The following ZNF697 variants were observed in gnomAD, a reference collection of about 807,000 sequenced individuals.
ZNF697 encodes the protein zinc finger protein 697.
ZNF697 carries 23 observed loss-of-function variants against 32.4 expected under a neutral mutation model. The observed-to-expected ratio is 0.71, with a 90% CI of 0.51 to 1.01. The LOEUF (loss-of-function observed/expected upper bound fraction) is 1.01, where lower values mean the gene tolerates loss of function less well. ZNF697 is among the 50% of genes least tolerant of loss of function. ZNF697 has a pLI of 0.00. For synonymous variants in ZNF697, 418 were observed against 337.2 expected, an observed-to-expected ratio of 1.24 and a Z score of -2.62; for missense variants, 930 against 794.0, an observed-to-expected ratio of 1.17 and a Z score of -2.06.
intron 1 of ZNF697, among the ~76,000 whole-genome samples, chr1:119,629,268 AAAGG>A (rs1444651346): frequency 2.0e-5 from 3 of 152,240 alleles, no homozygotes; most frequent in South Asian, 2.1e-4. Flanking sequence ...GAAGTAATAA[AAAGG>A]AAGACAAGGG....
rs927025047 is a variant in ZNF697, at chr1:119,621,453, A to G, written c.*1252T>C. On this transcript the variant is annotated 3_prime_UTR_variant, in exon 3 of 3. Transcript: ENST00000421812. ...ATCAAAGTGCTATTTTGGCATCTAT[A>G]TAACAACCAGAAAACATTCATTGTT... The G allele has an allele frequency of 1.3e-5, 2 of 152,672 alleles. No individual in the cohort carries two copies. Among genetic ancestry groups the G allele is most frequent in the East Asian group, 1.9e-4 (1 of 5,200 alleles). 9.5% of individuals were successfully genotyped at this position (152,672 alleles called of 1,614,324 possible).
Position 119,622,909 on chromosome 1 carries a change from G to T in ZNF697, c.1434C>A (p.Ser478=). Residue 478 remains serine (S), a synonymous_variant, in exon 3 of 3, where the codon TCC becomes TCA. Coordinates refer to ENST00000421812, the MANE Select transcript of ZNF697 (RefSeq NM_001080470.2). ...GQCEKRFSDF[S]TLTQHQRTHT... is the part of the protein sequence containing the mutation. Reference sequence around the variant, plus strand: ...GCGTGCGCTGGTGCTGCGTGAGCGTGGAGAAGTCGCTGAAGCGCTTCTCGC... The same window carrying T: ...GCGTGCGCTGGTGCTGCGTGAGCGTTGAGAAGTCGCTGAAGCGCTTCTCGC... 1 of 1,598,948 alleles carries T rather than the reference G, an allele frequency of 6.3e-7. No individual in the cohort carries two copies. Among genetic ancestry groups the T allele is most frequent in the South Asian group, 1.1e-5 (1 of 89,468 alleles).
At position 119,623,846 on chromosome 1, in the gene ZNF697, A is replaced by G; in HGVS notation, c.497T>C (p.Leu166Pro). ...DKPAHRRFHRLHHPMAVDLGE... is the reference protein window; with the variant it reads ...DKPAHRRFHRPHHPMAVDLGE... ...GAGGTCCACGGCCATGGGGTGGTGGAGCCGGTGGAAGCGGCGGTGGGCGGG... is the reference window on the plus strand; with the variant it reads ...GAGGTCCACGGCCATGGGGTGGTGGGGCCGGTGGAAGCGGCGGTGGGCGGG... Residue 166 changes from leucine (L) to proline (P), a missense_variant, in exon 3 of 3, where the codon CTC becomes CCC. Coordinates refer to ENST00000421812, the MANE Select transcript of ZNF697 (RefSeq NM_001080470.2). 1 of 1,542,796 alleles carries G rather than the reference A, an allele frequency of 6.5e-7. No homozygotes were observed. The highest frequency in any genetic ancestry group is 8.8e-7 in the Non-Finnish European group (1 of 1,141,820).
chr1:119,644,108 T>C (rs886814004), intron 1 of ZNF697, among the ~76,000 whole-genome samples: 5 of 152,150 alleles, frequency 3.3e-5, no homozygotes, highest in African/African-American at 1.2e-4. Context: ...TCTACTTTCA[T>C]TAAGAAAACA....
intron 1 of ZNF697, among the ~76,000 whole-genome samples, chr1:119,634,491 T>G (rs587766475): frequency 2.0e-5 from 3 of 152,378 alleles, no homozygotes; most frequent in Non-Finnish European, 4.4e-5. Context: ...GCCTGAATTT[T>G]CCTGCCTAAT....
intron 1 of ZNF697, among the ~76,000 whole-genome samples, chr1:119,637,345 A>T (rs1472984078): frequency 6.6e-6 from 1 of 152,228 alleles, no homozygotes; most frequent in African/African-American, 2.4e-5. Context: ...GAGCTTTAAC[A>T]GCTTTGCAGT....
intron 1 of ZNF697, among the ~76,000 whole-genome samples, chr1:119,641,686 T>C (rs935660203): frequency 1.3e-5 from 2 of 152,174 alleles, no homozygotes; most frequent in African/African-American, 2.4e-5. Flanking sequence ...AATTGAATCA[T>C]GGGGGCAGTT....
At position 119,624,003 on chromosome 1, in the gene ZNF697, G is replaced by C. The variant is rs1286103085; in HGVS notation, c.340C>G (p.Arg114Gly). 1.9e-6 allele frequency: 3 copies of C among 1,612,694 alleles called. No individual in the cohort carries two copies. The highest frequency in any genetic ancestry group is 2.2e-5 in the East Asian group (1 of 44,840). Residue 114 changes from arginine to glycine, a missense_variant, in exon 3 of 3, where the codon CGG (arginine) becomes GGG (glycine). Coordinates refer to ENST00000421812, the MANE Select transcript of ZNF697 (RefSeq NM_001080470.2). ...PGLSESDSIS[R>G]SLREDDDESA... ...TCGTCGTCGTCCTCCCGGAGGCTCCGGGATATGCTGTCAGACTCAGACAGT... is the reference window on the plus strand; with the variant it reads ...TCGTCGTCGTCCTCCCGGAGGCTCCCGGATATGCTGTCAGACTCAGACAGT...
At chr1:119,629,679 T>C (rs758077736) in intron 1 of ZNF697, among the ~76,000 whole-genome samples, 1 of 152,216 alleles carries the variant, frequency 6.6e-6, no homozygotes, top group Admixed American at 6.5e-5. Flanking sequence ...AAATGGTAGT[T>C]ATTACTATGA....
intron 1 of ZNF697, among the ~76,000 whole-genome samples, chr1:119,647,381 G>A (rs965186243): frequency 6.6e-6 from 1 of 152,144 alleles, no homozygotes; most frequent in Non-Finnish European, 1.5e-5. Flanking sequence ...AATGCCTCCC[G>A]GGGCTAGACG....
rs139011820 is a variant in ZNF697 at position 119,630,875 on chromosome 1, A to C, written c.-37-4738T>G. 4.8e-3 allele frequency among the ~76,000 whole-genome samples: 726 copies of C among 152,320 alleles called. 2 individuals carry two copies. Among genetic ancestry groups the C allele is most frequent in the Non-Finnish European group, 8.3e-3 (566 of 68,002 alleles). On this transcript the variant is annotated intron_variant, in intron 1 of 2. Transcript: ENST00000421812. Reference sequence around the variant, plus strand: ...ACAGGGCAAGACCCCATCTCAAAAAAAAAAGAGGAAGGGAGGGAATGAGGT... The same window carrying C: ...ACAGGGCAAGACCCCATCTCAAAAACAAAAGAGGAAGGGAGGGAATGAGGT...
chr1:119,625,194 G>A (rs931507752), intron 2 of ZNF697, among the ~76,000 whole-genome samples: 2 of 152,114 alleles, frequency 1.3e-5, no homozygotes, highest in African/African-American at 2.4e-5. Context: ...AGGGAGTCTG[G>A]GACTGTGTCA....
chr1:119,624,390 C>G (rs1648509805), intron 2 of ZNF697, among the ~76,000 whole-genome samples: 1 of 152,232 alleles, frequency 6.6e-6, no homozygotes, highest in Non-Finnish European at 1.5e-5. Context: ...CACTGCCTAG[C>G]AGAGCCATCT....
In ZNF697 at chr1:119,624,114, C is replaced by T; in HGVS notation, c.229G>A (p.Gly77Arg). The change falls in exon 3 of 3, where the codon GGG (glycine) becomes AGG (arginine). Residue 77 changes from glycine to arginine, a missense_variant and splice_region_variant. Transcript: ENST00000421812. ...ACGCCTTCTTCCTCACTCAGCTGCCCCTCTGCAACAGAAAAAGGTGGCAGT... is the reference window on the plus strand; with the variant it reads ...ACGCCTTCTTCCTCACTCAGCTGCCTCTCTGCAACAGAAAAAGGTGGCAGT... ...REAVPDICTE[G>R]QLSEEEGVSV... The T allele has an allele frequency of 1.3e-6, 2 of 1,557,476 alleles. No homozygotes were observed. The highest frequency in any genetic ancestry group is 1.2e-5 in the South Asian group (1 of 83,110).
In ZNF697 at chr1:119,643,623, T is replaced by TTCCTC. The variant is rs369678677; in HGVS notation, c.-38+4063_-38+4067dup. On this transcript the variant is annotated intron_variant, in intron 1 of 2. Transcript: ENST00000421812. ...ATGAAAACAGAATGAATTATCTTCC[T>TTCCTC]TCCTCTCCCCAGCCTTCTTCTCCCC... 3.8e-3 allele frequency among the ~76,000 whole-genome samples: 581 copies of TTCCTC among 152,328 alleles called. 3 individuals carry two copies. Among genetic ancestry groups the TTCCTC allele is most frequent in the African/African-American group, 0.013 (543 of 41,564 alleles).
chr1:119,642,723 T>C (rs1649111102), intron 1 of ZNF697, among the ~76,000 whole-genome samples: 1 of 152,204 alleles, frequency 6.6e-6, no homozygotes, highest in South Asian at 2.1e-4. Context: ...ACACTTACCA[T>C]GCACTACCCA....
At position 119,623,469 on chromosome 1, in the gene ZNF697, C is replaced by A; in HGVS notation, c.874G>T (p.Ala292Ser). Residue 292 changes from alanine to serine, a missense_variant, in exon 3 of 3, where the codon GCC (alanine) becomes TCC (serine). Ala to Ser is a moderately conservative substitution (Grantham distance 99). Coordinates refer to ENST00000421812, the MANE Select transcript of ZNF697 (RefSeq NM_001080470.2). ...CAGCTGAAGCTCTTGCCGCAGTCGG[C>A]GCACAGGTTGGGCCGCTCGCCCGTG... ...LHTGERPNLC[A>S]DCGKSFSWRA... 1 of 1,559,646 alleles carries A rather than the reference C, an allele frequency of 6.4e-7. No individual in the cohort carries two copies. Among genetic ancestry groups the A allele is most frequent in the South Asian group, 1.2e-5 (1 of 85,534 alleles).
rs1648293287 is a variant in ZNF697, at chr1:119,621,046, A to G, written c.*1659T>C. On this transcript the variant is annotated 3_prime_UTR_variant, in exon 3 of 3. Coordinates refer to ENST00000421812, the MANE Select transcript of ZNF697 (RefSeq NM_001080470.2). ...TTCAGCATAAGTAACTGAAATCTAT[A>G]CAAGAGTCATCTAACTACAGCCCCT... is the stretch of plus-strand genomic sequence containing the variant. The G allele has an allele frequency of 6.6e-6, 1 of 152,248 alleles. No individual in the cohort carries two copies. The highest frequency in any genetic ancestry group is 6.5e-5 in the Admixed American group (1 of 15,284). 9.4% of individuals were successfully genotyped at this position (152,248 alleles called of 1,614,324 possible).
chr1:119,631,196 C>A (rs1053783114), intron 1 of ZNF697, among the ~76,000 whole-genome samples: 3 of 152,254 alleles, frequency 2.0e-5, no homozygotes, highest in Admixed American at 6.5e-5. Flanking sequence ...TGCCGCCTCG[C>A]TGAGGCAGCC....
Sources: gnomAD v4.1 joint callset for allele counts (sites outside exome capture counted in the v4.1 genomes callset) on GRCh38, gnomAD v4.1.1 for gene constraint, MANE v1.5 for transcripts, NCBI Gene and HGNC (gene_info 2026-07-23, HGNC 2026-07-21) for gene names.